Variants in TMEM178B observed in about 807,000 individuals in gnomAD.
TMEM178B encodes the protein transmembrane protein 178B.
A neutral mutation model predicts 31.0 loss-of-function variants in TMEM178B; 5 were observed. The observed-to-expected ratio is 0.16, with a 90% CI of 0.08 to 0.34. TMEM178B has a LOEUF of 0.34. TMEM178B is among the 10% of genes least tolerant of loss of function. The pLI, the probability that TMEM178B is intolerant of heterozygous loss-of-function variation, is 1.00. For missense variants in TMEM178B, 275 were observed against 400.3 expected (o/e 0.69, Z 2.67); for synonymous variants, 164 against 164.0 (o/e 1.00, Z 0.00).
intron 1 of TMEM178B, among the ~76,000 whole-genome samples, chr7:141,124,426 G>T (rs1197389795): frequency 6.6e-6 from 1 of 152,116 alleles, no homozygotes; most frequent in Non-Finnish European, 1.5e-5. Flanking sequence ...ATGGACACAG[G>T]TTAGTCTATC....
At chr7:141,238,991 G>T (rs1047191041) in intron 2 of TMEM178B, among the ~76,000 whole-genome samples, 2 of 152,180 alleles carry the variant, frequency 1.3e-5, no homozygotes, top group Admixed American at 1.3e-4. Flanking sequence ...ATAGAGCAGA[G>T]GCTGAAAAAT....
At chr7:141,306,705 T>C (rs1471521829) in intron 2 of TMEM178B, among the ~76,000 whole-genome samples, 2 of 152,006 alleles carry the variant, frequency 1.3e-5, no homozygotes, top group Non-Finnish European at 2.9e-5. Flanking sequence ...GCCTCGTCTT[T>C]GCTGTATTCT....
chr7:141,101,880 C>T (rs935885525), intron 1 of TMEM178B, among the ~76,000 whole-genome samples: 23 of 150,274 alleles, frequency 1.5e-4, no homozygotes, highest in Non-Finnish European at 3.1e-4. Context: ...TATTTTTTTT[C>T]TTCAGGTGCC....
intron 2 of TMEM178B, among the ~76,000 whole-genome samples, chr7:141,383,573 A>G (rs1168141512): frequency 6.6e-6 from 1 of 152,152 alleles, no homozygotes; most frequent in Non-Finnish European, 1.5e-5. Flanking sequence ...GCTGCATAGT[A>G]TTCCATGGTG....
intron 1 of TMEM178B, among the ~76,000 whole-genome samples, chr7:141,116,696 G>A (rs560552815): frequency 6.6e-6 from 1 of 152,116 alleles, no homozygotes; most frequent in African/African-American, 2.4e-5. Context: ...GCCCCAGTGT[G>A]TGATGCTCCC....
At chr7:141,347,797 C>G (rs1442530422) in intron 2 of TMEM178B, among the ~76,000 whole-genome samples, 1 of 152,118 alleles carries the variant, frequency 6.6e-6, no homozygotes, top group African/African-American at 2.4e-5. Context: ...TGTACCCCAC[C>G]TCTCCACTCT....
chr7:141,291,229 C>G (rs1265598973), intron 2 of TMEM178B, among the ~76,000 whole-genome samples: 1 of 152,100 alleles, frequency 6.6e-6, no homozygotes, highest in Admixed American at 6.5e-5. Flanking sequence ...ACTCGATTAC[C>G]TCAACCAAAA....
intron 2 of TMEM178B, among the ~76,000 whole-genome samples, chr7:141,261,800 T>C (rs1052006066): frequency 6.6e-6 from 1 of 152,180 alleles, no homozygotes; most frequent in African/African-American, 2.4e-5. Flanking sequence ...CAGCTGCCTT[T>C]AACCCCTGCA....
At chr7:141,312,271 A>C (rs114235815) in intron 2 of TMEM178B, among the ~76,000 whole-genome samples, 1 of 152,330 alleles carries the variant, frequency 6.6e-6, no homozygotes, top group African/African-American at 2.4e-5. Flanking sequence ...TCCCCTGCAG[A>C]ATCCAATTTA....
intron 1 of TMEM178B, among the ~76,000 whole-genome samples, chr7:141,091,323 T>C (rs1354396942): frequency 1.3e-5 from 2 of 152,198 alleles, no homozygotes; most frequent in Non-Finnish European, 2.9e-5. Flanking sequence ...AAATGGTGGG[T>C]AACCCTTTCA....
At chr7:141,368,263 G>A (rs1055468279) in intron 2 of TMEM178B, among the ~76,000 whole-genome samples, 1 of 152,168 alleles carries the variant, frequency 6.6e-6, no homozygotes, top group Non-Finnish European at 1.5e-5. Flanking sequence ...AGGTTGCAGT[G>A]AGCCAAGATT....
At chr7:141,381,627 T>A (rs1381217868) in intron 2 of TMEM178B, among the ~76,000 whole-genome samples, 1 of 152,194 alleles carries the variant, frequency 6.6e-6, no homozygotes, top group Non-Finnish European at 1.5e-5. Flanking sequence ...ATAAAAAAAA[T>A]TGAGGGCCTT....
At chr7:141,358,557 C>G (rs1799862974) in intron 2 of TMEM178B, among the ~76,000 whole-genome samples, 1 of 152,094 alleles carries the variant, frequency 6.6e-6, no homozygotes, top group Non-Finnish European at 1.5e-5. Flanking sequence ...ACATGAACTT[C>G]CAACCCTACC....
rs191375930 is a variant in TMEM178B, at chr7:141,098,617, A to T, written c.382+23925A>T. The stretch of plus-strand genomic sequence containing the variant: ...CTCAGTTTCCTTATCTATAAAATGG[A>T]GATTATATTTGAATTCTATCTTAGA... On this transcript the variant is annotated intron_variant, in intron 1 of 3. Coordinates refer to ENST00000565468, the MANE Select transcript of TMEM178B (RefSeq NM_001195278.2). 3.2e-3 allele frequency among the ~76,000 whole-genome samples: 485 copies of T among 152,288 alleles called. 4 individuals are homozygous for T. The highest frequency in any genetic ancestry group is 5.5e-3 in the Non-Finnish European group (373 of 68,032).
At position 141,348,763 on chromosome 7, in the gene TMEM178B, G is replaced by A. The variant is rs540119195; in HGVS notation, c.497-88845G>A. ...TTAATGTGTATTACCCTGAGTGGACGGCTGATTTTGTCTGAAAAAGGATAT... is the reference window on the plus strand; with the variant it reads ...TTAATGTGTATTACCCTGAGTGGACAGCTGATTTTGTCTGAAAAAGGATAT... On this transcript the variant is annotated intron_variant, in intron 2 of 3. Coordinates refer to ENST00000565468, the MANE Select transcript of TMEM178B (RefSeq NM_001195278.2). Among the ~76,000 whole-genome samples, 28 of 152,256 alleles carry A rather than the reference G, an allele frequency of 1.8e-4. No individual in the cohort carries two copies. In the South Asian group the frequency reaches 4.6e-3, roughly 25 times the overall value.
intron 2 of TMEM178B, among the ~76,000 whole-genome samples, chr7:141,429,545 G>T (rs1457016288): frequency 6.6e-6 from 1 of 152,192 alleles, no homozygotes; most frequent in Non-Finnish European, 1.5e-5. Context: ...GTGGTTAGAG[G>T]TTAGGAGGGT....
chr7:141,496,657 G>C, the TMEM178B span, among the ~76,000 whole-genome samples: 1 of 107,874 alleles, frequency 9.3e-6, no homozygotes, highest in Non-Finnish European at 1.6e-5. Context: ...GCGACAGAGC[G>C]AGACTCCGTC....
chr7:141,085,187 G>A (rs1343789268), intron 1 of TMEM178B, among the ~76,000 whole-genome samples: 1 of 148,060 alleles, frequency 6.8e-6, no homozygotes, highest in African/African-American at 2.5e-5. Flanking sequence ...AGTAGAGATG[G>A]GGTTTCACCA....
the TMEM178B span, among the ~76,000 whole-genome samples, chr7:141,485,468 T>C: frequency 6.6e-6 from 1 of 152,142 alleles, no homozygotes; most frequent in African/African-American, 2.4e-5. Context: ...ACAACATTGT[T>C]GTGAGGATAC....
Sources: allele counts gnomAD v4.1 joint callset (sites outside exome capture counted in the v4.1 genomes callset), GRCh38; gene constraint gnomAD v4.1.1; transcripts MANE v1.5; gene names NCBI Gene and HGNC (gene_info 2026-07-23, HGNC 2026-07-21).